The following SHQ1 variants were observed in gnomAD, a reference collection of about 807,000 sequenced individuals.
SHQ1 encodes protein SHQ1 homolog.
SHQ1 carries 49 observed loss-of-function variants against 53.8 expected under a neutral mutation model. The observed-to-expected ratio is 0.91, with a 90% confidence interval of 0.72 to 1.16. The LOEUF (loss-of-function observed/expected upper bound fraction) is 1.16. Among genes scored for constraint, SHQ1 ranks in the 50% most tolerant of loss-of-function variants. The pLI is 0.00. For synonymous variants in SHQ1, 243 were observed against 251.0 expected, an observed-to-expected ratio of 0.97 and a Z score of 0.30; for missense variants, 738 against 683.1, an observed-to-expected ratio of 1.08 and a Z score of -0.90.
At chr3:72,756,532 T>C (rs1025410824) in intron 10 of SHQ1, among the ~76,000 whole-genome samples, 3 of 152,326 alleles carry the variant, frequency 2.0e-5, no homozygotes, top group African/African-American at 7.2e-5. Flanking sequence ...CCCACCTTGG[T>C]CTCTCAAAGT....
chr3:72,766,736 G>T (rs548900615), intron 10 of SHQ1, among the ~76,000 whole-genome samples: 8 of 152,144 alleles, frequency 5.3e-5, no homozygotes, highest in African/African-American at 1.9e-4. Flanking sequence ...GGTGAAGGGA[G>T]GGGGGAACTG....
chr3:72,821,014 C>T (rs542142883), intron 6 of SHQ1, among the ~76,000 whole-genome samples: 2 of 152,334 alleles, frequency 1.3e-5, no homozygotes, highest in African/African-American at 4.8e-5. Context: ...AAACATCCCT[C>T]TTATCTGGGT....
chr3:72,848,184 C>A lies in SHQ1; in HGVS notation c.143+14G>T. 1 of 1,614,128 alleles carries A rather than the reference C, an allele frequency of 6.2e-7. No homozygotes were observed. The highest frequency in any genetic ancestry group is 1.1e-5 in the South Asian group (1 of 91,072). Reference sequence around the variant, plus strand: ...CGAATGCGCCTTTCCTGCGGCCAGGCACCCCGAACTCGCCTGAGAAAGTAT... The same window carrying A: ...CGAATGCGCCTTTCCTGCGGCCAGGAACCCCGAACTCGCCTGAGAAAGTAT... On this transcript the variant is annotated intron_variant, in intron 1 of 10. Transcript: ENST00000325599.
intron 5 of SHQ1, among the ~76,000 whole-genome samples, chr3:72,826,368 C>G (rs565379938): frequency 2.0e-5 from 3 of 152,192 alleles, no homozygotes; most frequent in Admixed American, 1.3e-4. Flanking sequence ...AACTCATCCA[C>G]AAATCAGAAC....
At chr3:72,748,814 A>G (rs1473121571), downstream of SHQ1, among the ~76,000 whole-genome samples, 2 of 152,186 alleles carry the variant, frequency 1.3e-5, no homozygotes, top group Non-Finnish European at 2.9e-5. Flanking sequence ...TAAAAACTAC[A>G]AAGATTAGCT....
the SHQ1 span, among the ~76,000 whole-genome samples, chr3:72,739,459 C>T: frequency 6.6e-6 from 1 of 152,246 alleles, no homozygotes; most frequent in Non-Finnish European, 1.5e-5. Flanking sequence ...ACAGCGTCTA[C>T]AGCTGGTAGA....
intron 10 of SHQ1, among the ~76,000 whole-genome samples, chr3:72,778,103 A>G (rs902320536): frequency 1.3e-5 from 2 of 152,218 alleles, no homozygotes; most frequent in Non-Finnish European, 2.9e-5. Context: ...AGAAGTTAAT[A>G]CAATTGGGAA....
At chr3:72,769,822 T>C (rs546673459) in intron 10 of SHQ1, among the ~76,000 whole-genome samples, 1 of 152,168 alleles carries the variant, frequency 6.6e-6, no homozygotes, top group Non-Finnish European at 1.5e-5. Context: ...TCAGGGGTCA[T>C]GTGTTCTGAA....
Position 72,824,417 on chromosome 3 carries a change from T to C in SHQ1, c.727+7A>G, listed in dbSNP as rs554258323. 2 of 1,609,180 alleles carry C rather than the reference T, an allele frequency of 1.2e-6. No homozygotes were observed. Among genetic ancestry groups the C allele is most frequent in the Admixed American group, 1.7e-5 (1 of 59,384 alleles). ...TGAAACAAATTAGCCGAATTTGAGT[T>C]TCTTACCTAATGTAGCATGATTTTC... On this transcript the variant is annotated splice_region_variant and intron_variant, in intron 6 of 10. Transcript: ENST00000325599.
chr3:72,744,708 C>CTA (rs957187630), downstream of SHQ1, among the ~76,000 whole-genome samples: 51 of 152,186 alleles, frequency 3.4e-4, no homozygotes, highest in African/African-American at 1.2e-3. Context: ...TGGATTGAAA[C>CTA]TATATATAAC....
chr3:72,762,321 T>C (rs567503554), intron 10 of SHQ1, among the ~76,000 whole-genome samples: 11 of 152,114 alleles, frequency 7.2e-5, no homozygotes, highest in Non-Finnish European at 1.6e-4. Context: ...GGGTGACAAA[T>C]AGGTTAAGAA....
At chr3:72,828,983 T>C (rs929163207) in intron 5 of SHQ1, among the ~76,000 whole-genome samples, 1 of 151,544 alleles carries the variant, frequency 6.6e-6, no homozygotes, top group South Asian at 2.1e-4. Context: ...GGATGCCAGT[T>C]AGGCAGTTAG....
intron 5 of SHQ1, among the ~76,000 whole-genome samples, chr3:72,827,949 G>A (rs557482384): frequency 1.7e-3 from 257 of 151,786 alleles, no homozygotes; most frequent in Non-Finnish European, 2.7e-3. Flanking sequence ...TAGAGATGGG[G>A]TTTCACCATG....
In SHQ1 at chr3:72,765,553, A is replaced by AT. The variant is rs1301529961; in HGVS notation, c.1182-14718dup. The stretch of plus-strand genomic sequence containing the variant: ...GACATATATATATATATATATATAT[A>AT]TATATTTTTTTTTTTTTTTTGAGAC... On this transcript the variant is annotated intron_variant, in intron 10 of 10. Transcript: ENST00000325599. Among the ~76,000 whole-genome samples the AT allele has an allele frequency of 4.4e-3, 378 of 85,350 alleles. 2 individuals carry two copies. Among genetic ancestry groups the AT allele is most frequent in the African/African-American group, 0.019 (266 of 14,242 alleles). 56.0% of individuals were successfully genotyped at this position (85,350 alleles called of 152,430 possible).
At chr3:72,830,313 C>T (rs1707787684) in intron 5 of SHQ1, among the ~76,000 whole-genome samples, 1 of 152,018 alleles carries the variant, frequency 6.6e-6, no homozygotes, top group African/African-American at 2.4e-5. Context: ...CATGAGGAAA[C>T]ACTATGACTT....
intron 10 of SHQ1, among the ~76,000 whole-genome samples, chr3:72,757,381 C>T (rs886212425): frequency 1.5e-4 from 20 of 134,940 alleles, no homozygotes; most frequent in Non-Finnish European, 1.9e-4. Context: ...CTTCTCTTTC[C>T]TTTTTTTTTT....
intron 10 of SHQ1, among the ~76,000 whole-genome samples, chr3:72,764,244 G>T (rs964585079): frequency 2.6e-5 from 4 of 152,012 alleles, no homozygotes; most frequent in African/African-American, 9.7e-5. Context: ...GTGCAGTGGC[G>T]CAATCACAGC....
At chr3:72,840,700 G>C (rs920197624) in intron 4 of SHQ1, among the ~76,000 whole-genome samples, 1 of 152,110 alleles carries the variant, frequency 6.6e-6, no homozygotes, top group Non-Finnish European at 1.5e-5. Context: ...ACATCATGCC[G>C]TAAGTACATG....
At chr3:72,841,266 A>G in intron 3 of SHQ1, 67 bp from the exon 4 acceptor site, 5 of 1,272,212 alleles carry the variant, frequency 3.9e-6, no homozygotes, top group Non-Finnish European at 5.4e-6. Context: ...AAGAAAAAGT[A>G]TAGGAAAAAA....
Sources: gnomAD v4.1 joint callset for allele counts (sites outside exome capture counted in the v4.1 genomes callset) on GRCh38, gnomAD v4.1.1 for gene constraint, MANE v1.5 for transcripts, NCBI Gene and HGNC (gene_info 2026-07-23, HGNC 2026-07-21) for gene names.